Variants in STK32B observed in about 807,000 individuals in gnomAD.
STK32B encodes serine/threonine-protein kinase 32B.
STK32B carries 43 observed loss-of-function variants against 52.6 expected under a neutral mutation model. The observed-to-expected ratio is 0.82, with a 90% CI of 0.64 to 1.05. The LOEUF (loss-of-function observed/expected upper bound fraction) is 1.05, where lower values mean the gene tolerates loss of function less well. STK32B is among the 50% of genes least tolerant of loss of function. The pLI is 0.00. For synonymous variants in STK32B, 238 were observed against 204.3 expected, an observed-to-expected ratio of 1.17 and a Z score of -1.41; for missense variants, 621 against 534.6, an observed-to-expected ratio of 1.16 and a Z score of -1.59.
intron 2 of STK32B, among the ~76,000 whole-genome samples, chr4:5,160,226 A>G (rs200466078): frequency 2.0e-5 from 3 of 152,082 alleles, no homozygotes; most frequent in East Asian, 3.9e-4. Context: ...ACATCTCCAC[A>G]ATGTCCTGTG....
At chr4:5,424,142 C>A (rs1712873933) in intron 6 of STK32B, among the ~76,000 whole-genome samples, 1 of 152,150 alleles carries the variant, frequency 6.6e-6, no homozygotes, top group Admixed American at 6.5e-5. Flanking sequence ...CAGGGCAGCA[C>A]TGACATGCCA....
intron 3 of STK32B, among the ~76,000 whole-genome samples, chr4:5,283,613 C>G (rs1474203526): frequency 6.6e-6 from 1 of 152,102 alleles, no homozygotes; most frequent in Non-Finnish European, 1.5e-5. Context: ...AAATCACATT[C>G]AAGGGAGCCC....
intron 1 of STK32B, among the ~76,000 whole-genome samples, chr4:5,073,510 G>T (rs1577050214): frequency 6.6e-6 from 1 of 151,578 alleles, no homozygotes. Flanking sequence ...TTAAGTACCA[G>T]GTTTTTCTTT....
In STK32B at chr4:5,051,551, C is replaced by G; in HGVS notation, c.-313C>G. 2.7e-6 allele frequency: 1 copy of G among 371,998 alleles called. No homozygotes were observed. The highest frequency in any genetic ancestry group is 4.8e-6 in the Non-Finnish European group (1 of 209,556). 23.0% of individuals were successfully genotyped at this position (371,998 alleles called of 1,614,324 possible). On this transcript the variant is annotated 5_prime_UTR_variant, in exon 1 of 12. Coordinates refer to ENST00000282908, the MANE Select transcript of STK32B (RefSeq NM_018401.3). ...GCTGTAGCCGGCGAGGAGCGCCGCA[C>G]GTTGGCCCCGGCGCGAGGAGCTCCC...
chr4:5,343,584 T>A (rs375123602), intron 4 of STK32B, among the ~76,000 whole-genome samples: 1 of 152,112 alleles, frequency 6.6e-6, no homozygotes, highest in Non-Finnish European at 1.5e-5. Context: ...TCAAGATGGA[T>A]TAAAGATTTA....
intron 4 of STK32B, among the ~76,000 whole-genome samples, chr4:5,374,415 GTT>G (rs1396678695): frequency 6.6e-6 from 1 of 152,230 alleles, no homozygotes; most frequent in Non-Finnish European, 1.5e-5. Flanking sequence ...AGAGGAAAGA[GTT>G]TGTCATAAAT....
intron 1 of STK32B, among the ~76,000 whole-genome samples, chr4:5,088,235 A>G (rs1223081363): frequency 2.6e-5 from 4 of 152,132 alleles, no homozygotes; most frequent in Non-Finnish European, 5.9e-5. Flanking sequence ...ATGAAAACAC[A>G]GCATATCAAA....
intron 4 of STK32B, among the ~76,000 whole-genome samples, chr4:5,360,033 C>A (rs896873795): frequency 3.9e-5 from 6 of 152,130 alleles, no homozygotes; most frequent in Non-Finnish European, 8.8e-5. Flanking sequence ...GGACTACAGG[C>A]AGGAGGAGAG....
At chr4:5,294,831 G>C (rs1054532395) in intron 3 of STK32B, among the ~76,000 whole-genome samples, 2 of 152,124 alleles carry the variant, frequency 1.3e-5, no homozygotes, top group African/African-American at 4.8e-5. Flanking sequence ...TGGTGAGAGA[G>C]GGCATCCTTG....
intron 6 of STK32B, chr4:5,435,887 A>C (rs1391755310): frequency 6.6e-6 from 1 of 152,370 alleles, no homozygotes; most frequent in Non-Finnish European, 1.5e-5. Flanking sequence ...GCAGAGGCCT[A>C]TTCTGAGGAG....
At chr4:5,136,106 T>A (rs1394332238) in intron 1 of STK32B, among the ~76,000 whole-genome samples, 2 of 152,228 alleles carry the variant, frequency 1.3e-5, no homozygotes, top group Non-Finnish European at 2.9e-5. Context: ...CTGGATTTGA[T>A]CAATTATGAC....
At chr4:5,238,540 G>C (rs754993384) in intron 3 of STK32B, among the ~76,000 whole-genome samples, 4 of 152,160 alleles carry the variant, frequency 2.6e-5, no homozygotes, top group Non-Finnish European at 5.9e-5. Flanking sequence ...GACCTCCAGG[G>C]AGTCAACATT....
intron 1 of STK32B, among the ~76,000 whole-genome samples, chr4:5,106,878 A>G (rs1016215715): frequency 6.6e-6 from 1 of 152,188 alleles, no homozygotes; most frequent in African/African-American, 2.4e-5. Context: ...GTTGAATCAA[A>G]ATTATATGTA....
chr4:5,398,112 G>C lies in STK32B; in HGVS notation c.435-95G>C. 1 of 1,405,450 alleles carries C rather than the reference G, an allele frequency of 7.1e-7. No individual in the cohort carries two copies. The highest frequency in any genetic ancestry group is 9.9e-7 in the Non-Finnish European group (1 of 1,011,852). The allele number at this position is 1,405,450 out of a possible 1,614,324, so 87.1% of individuals were successfully genotyped here. A position where few individuals can be genotyped will look rare whatever the true frequency, so the allele number is the denominator to read the frequency against. ...CAGGTCAGGGAGAGGTGAGCAGCCT[G>C]GGTGTTCCAGCATTTGTCCTGATGT... is the stretch of plus-strand genomic sequence containing the variant. On this transcript the variant is annotated intron_variant, in intron 4 of 11. Transcript: ENST00000282908. The surrounding 1 kb of genome is among the most constrained non-coding windows in gnomAD (Gnocchi z 4.9).
chr4:5,195,805 A>G (rs1401809298), intron 3 of STK32B, among the ~76,000 whole-genome samples: 2 of 152,226 alleles, frequency 1.3e-5, no homozygotes, highest in Non-Finnish European at 1.5e-5. Flanking sequence ...TCATATGTGC[A>G]CCACCTTCCT....
intron 3 of STK32B, among the ~76,000 whole-genome samples, chr4:5,268,890 T>C (rs1727230077): frequency 6.6e-6 from 1 of 152,006 alleles, no homozygotes; most frequent in South Asian, 2.1e-4. Context: ...TGGAAGAAAC[T>C]GGACTGGACA....
chr4:5,138,589 G>A (rs1716219099), intron 1 of STK32B, among the ~76,000 whole-genome samples: 1 of 152,146 alleles, frequency 6.6e-6, no homozygotes, highest in Non-Finnish European at 1.5e-5. Flanking sequence ...ACACTGTGCT[G>A]AGTGCTAAGG....
chr4:5,358,305 T>C (rs1734309746), intron 4 of STK32B, among the ~76,000 whole-genome samples: 1 of 152,180 alleles, frequency 6.6e-6, no homozygotes, highest in African/African-American at 2.4e-5. Flanking sequence ...GAAACAAATC[T>C]TTAAAAGGAT....
In STK32B at chr4:5,278,389, C is replaced by T. The variant is rs552464182; in HGVS notation, c.261-52831C>T. On this transcript the variant is annotated intron_variant, in intron 3 of 11. Coordinates refer to ENST00000282908, the MANE Select transcript of STK32B (RefSeq NM_018401.3). Reference sequence around the variant, plus strand: ...TTATGTTGGGAGTTGGGGTTCAGCGCATATGTGGGCGTAGGAGATGAGACC... The same window carrying T: ...TTATGTTGGGAGTTGGGGTTCAGCGTATATGTGGGCGTAGGAGATGAGACC... Among the ~76,000 whole-genome samples, 4 of 152,216 alleles carry T rather than the reference C, an allele frequency of 2.6e-5. No individual in the cohort carries two copies. In the East Asian group the frequency reaches 7.8e-4, roughly 30 times the overall value.
Sources: gnomAD v4.1 joint callset for allele counts (sites outside exome capture counted in the v4.1 genomes callset) on GRCh38, gnomAD v4.1.1 for gene constraint, Gnocchi (gnomAD v3.1) non-coding constraint, MANE v1.5 for transcripts, NCBI Gene and HGNC (gene_info 2026-07-23, HGNC 2026-07-21) for gene names.